The following NUBPL variants were observed in gnomAD, a reference collection of about 807,000 sequenced individuals.
NUBPL encodes the protein NUBP iron-sulfur cluster assembly factor, mitochondrial, also known as iron-sulfur cluster transfer protein NUBPL.
NUBPL carries 31 observed loss-of-function variants against 45.7 expected under a neutral mutation model. The observed-to-expected ratio is 0.68, with a 90% CI of 0.51 to 0.92. The LOEUF (loss-of-function observed/expected upper bound fraction) is 0.92, where lower values mean the gene tolerates loss of function less well. NUBPL is among the 40% of genes least tolerant of loss of function. The pLI, the probability that NUBPL is intolerant of heterozygous loss-of-function variation, is 0.00. For missense variants in NUBPL, 401 were observed against 398.7 expected, an observed-to-expected ratio of 1.01 and a Z score of -0.05; for synonymous variants, 144 against 140.9, an observed-to-expected ratio of 1.02 and a Z score of -0.15.
chr14:31,722,433 T>A (rs541902878), intron 6 of NUBPL, among the ~76,000 whole-genome samples: 1 of 152,194 alleles, frequency 6.6e-6, no homozygotes, highest in African/African-American at 2.4e-5. Flanking sequence ...GTAGAAAGAT[T>A]GATATTACTT....
chr14:31,741,904 A>G (rs1471195345), intron 6 of NUBPL, among the ~76,000 whole-genome samples: 1 of 152,080 alleles, frequency 6.6e-6, no homozygotes, highest in East Asian at 1.9e-4. Context: ...CTGTTAGGAC[A>G]GAGTTGCAAC....
intron 6 of NUBPL, among the ~76,000 whole-genome samples, chr14:31,752,251 A>G (rs2038548347): frequency 6.6e-6 from 1 of 152,046 alleles, no homozygotes; most frequent in Admixed American, 6.6e-5. Flanking sequence ...CAAACTGCAA[A>G]TTTTCTAAAC....
intron 10 of NUBPL, among the ~76,000 whole-genome samples, chr14:31,857,117 G>A (rs2040634573): frequency 6.6e-6 from 1 of 152,192 alleles, no homozygotes; most frequent in South Asian, 2.1e-4. Context: ...AAATCTAGGT[G>A]GAGGTTCCCA....
At chr14:31,618,181 C>A (rs553547520) in intron 4 of NUBPL, among the ~76,000 whole-genome samples, 1 of 152,086 alleles carries the variant, frequency 6.6e-6, no homozygotes, top group Admixed American at 6.5e-5. Context: ...CTTTATTAGT[C>A]TGGCTAGCAG....
intron 7 of NUBPL, among the ~76,000 whole-genome samples, chr14:31,810,483 C>A (rs897686259): frequency 2.0e-5 from 3 of 152,120 alleles, no homozygotes; most frequent in Non-Finnish European, 2.9e-5. Flanking sequence ...GATCTTCCTC[C>A]ATCCCTTTAT....
intron 6 of NUBPL, among the ~76,000 whole-genome samples, chr14:31,716,872 C>T (rs2037700911): frequency 6.6e-6 from 1 of 152,154 alleles, no homozygotes; most frequent in African/African-American, 2.4e-5. Context: ...ACCCTTGACT[C>T]ATCCTTCTTT....
chr14:31,772,009 C>G (rs957669691), intron 6 of NUBPL: 4 of 400,896 alleles, frequency 1.0e-5, no homozygotes, highest in Non-Finnish European at 1.4e-5. Context: ...TGTAGATACT[C>G]TTAGGGGGCT....
intron 7 of NUBPL, among the ~76,000 whole-genome samples, chr14:31,815,687 C>T (rs1182517035): frequency 6.6e-6 from 1 of 151,926 alleles, no homozygotes; most frequent in African/African-American, 2.4e-5. Context: ...ATAAATAGCT[C>T]TTATTATTTT....
At chr14:31,612,916 A>G (rs1156305030) in intron 4 of NUBPL, among the ~76,000 whole-genome samples, 2 of 152,206 alleles carry the variant, frequency 1.3e-5, no homozygotes, top group Admixed American at 6.5e-5. Context: ...TAGAGCTACC[A>G]TATGACCCAG....
chr14:31,822,695 A>C (rs1313715821), intron 7 of NUBPL, among the ~76,000 whole-genome samples: 3 of 152,138 alleles, frequency 2.0e-5, no homozygotes, highest in Non-Finnish European at 4.4e-5. Context: ...TTCTACAAAT[A>C]GTAGACAAAA....
intron 6 of NUBPL, among the ~76,000 whole-genome samples, chr14:31,738,299 A>G (rs964704347): frequency 1.3e-5 from 2 of 152,188 alleles, no homozygotes; most frequent in Non-Finnish European, 2.9e-5. Context: ...GTTGCCAGTT[A>G]TATGGGTTTT....
At chr14:31,713,141 A>G (rs1466068913) in intron 6 of NUBPL, among the ~76,000 whole-genome samples, 2 of 152,182 alleles carry the variant, frequency 1.3e-5, no homozygotes, top group Non-Finnish European at 2.9e-5. Context: ...AAGCTTTAAG[A>G]CCAGAAGGGT....
At chr14:31,681,872 G>A (rs2036842652) in intron 6 of NUBPL, among the ~76,000 whole-genome samples, 1 of 152,030 alleles carries the variant, frequency 6.6e-6, no homozygotes, top group African/African-American at 2.4e-5. Flanking sequence ...GTGTAATTTT[G>A]TTTTGGCTAG....
intron 8 of NUBPL, chr14:31,844,860 A>G (rs1326253339): frequency 2.6e-5 from 4 of 152,200 alleles, no homozygotes; most frequent in South Asian, 2.1e-4. Context: ...TCTAGAAGAG[A>G]GCTACTGCTC....
intron 4 of NUBPL, among the ~76,000 whole-genome samples, chr14:31,626,647 A>G (rs2139649952): frequency 6.6e-6 from 1 of 152,254 alleles, no homozygotes; most frequent in South Asian, 2.1e-4. Context: ...TCTTGCCAAA[A>G]CGAGCTACAC....
At chr14:31,678,751 T>C (rs1159287495) in intron 6 of NUBPL, among the ~76,000 whole-genome samples, 3 of 151,980 alleles carry the variant, frequency 2.0e-5, no homozygotes, top group Admixed American at 1.3e-4. Flanking sequence ...CAGCCTGGGG[T>C]TGGGGGAGTG....
intron 4 of NUBPL, among the ~76,000 whole-genome samples, chr14:31,620,053 C>G (rs1449899755): frequency 6.6e-6 from 1 of 151,748 alleles, no homozygotes; most frequent in Non-Finnish European, 1.5e-5. Flanking sequence ...CTGTGATATC[C>G]TTTCTTCTGC....
In NUBPL at chr14:31,673,535, C is replaced by A. The variant is rs754853511; in HGVS notation, c.474C>A (p.Gly158=). ...AAAGTGAACCAGTAGTTTGGAGAGGCCTTATGGTAATGTCGGCCATTGAGA... is the reference window on the plus strand; with the variant it reads ...AAAGTGAACCAGTAGTTTGGAGAGGACTTATGGTAATGTCGGCCATTGAGA... ...VEESEPVVWR[G]LMVMSAIEKL... is the part of the protein sequence containing the mutation. Residue 158 remains glycine, a synonymous_variant, in exon 6 of 11, where the codon GGC becomes GGA. Transcript: ENST00000281081. 1.4e-5 allele frequency: 22 copies of A among 1,613,626 alleles called. No homozygotes were observed. Among genetic ancestry groups the A allele is most frequent in the Non-Finnish European group, 1.7e-5 (20 of 1,179,896 alleles).
chr14:31,772,314 A>G (rs937119888), intron 6 of NUBPL, among the ~76,000 whole-genome samples: 4 of 152,128 alleles, frequency 2.6e-5, no homozygotes, highest in Admixed American at 2.0e-4. Context: ...ATTTCTTTAA[A>G]ATATCTTGAT....
Sources: gnomAD v4.1 joint callset for allele counts (sites outside exome capture counted in the v4.1 genomes callset) on GRCh38, gnomAD v4.1.1 for gene constraint, MANE v1.5 for transcripts, NCBI Gene and HGNC (gene_info 2026-07-23, HGNC 2026-07-21) for gene names.